HNRNPUL1: variants seen among roughly 807,000 people sequenced by gnomAD.
HNRNPUL1 encodes heterogeneous nuclear ribonucleoprotein U-like protein 1.
In HNRNPUL1, 14 loss-of-function variants were observed where a neutral mutation model predicts 108.5. That is an observed-to-expected ratio of 0.13 (90% confidence interval 0.09 to 0.20). HNRNPUL1 has a LOEUF of 0.20. Among genes scored for constraint, HNRNPUL1 ranks in the 10% least tolerant of loss-of-function variants. The pLI, the probability that HNRNPUL1 is intolerant of heterozygous loss-of-function variation, is 1.00. For synonymous variants in HNRNPUL1, 422 were observed against 445.2 expected, an observed-to-expected ratio of 0.95 and a Z score of 0.66; for missense variants, 804 against 1,168.3, an observed-to-expected ratio of 0.69 and a Z score of 4.55.
intron 13 of HNRNPUL1, 86 bp from the exon 14 acceptor site, chr19:41,305,587 TAAA>T: frequency 6.5e-7 from 1 of 1,547,218 alleles, no homozygotes; most frequent in Non-Finnish European, 8.9e-7. Flanking sequence ...GCCAACCACT[TAAA>T]AAGGCCCTTT....
chr19:41,288,792 C>T (rs904424504), intron 7 of HNRNPUL1, among the ~76,000 whole-genome samples: 5 of 152,214 alleles, frequency 3.3e-5, no homozygotes, highest in Non-Finnish European at 5.9e-5. Flanking sequence ...TTTCCTGGAA[C>T]AGATAAATGC....
intron 1 of HNRNPUL1, among the ~76,000 whole-genome samples, chr19:41,267,625 G>A (rs752473977): frequency 6.6e-6 from 1 of 152,226 alleles, no homozygotes; most frequent in Non-Finnish European, 1.5e-5. Context: ...CGATCAGTTA[G>A]CAAGTGGCAG....
chr19:41,272,267 C>T, intron 3 of HNRNPUL1, 32 bp downstream of exon 3: 1 of 1,606,024 alleles, frequency 6.2e-7, no homozygotes, highest in South Asian at 1.1e-5. Context: ...CACCCTTGCT[C>T]TGGTAGGTTT....
chr19:41,306,653 C>T lies in HNRNPUL1; in HGVS notation c.*88C>T, dbSNP rs1363921625. The T allele has an allele frequency of 2.9e-5, 23 of 797,710 alleles. No homozygotes were observed. The East Asian group carries it at 5.7e-4, about 20-fold the overall frequency. The allele number at this position is 797,710 out of a possible 1,614,324, so 49.4% of individuals were successfully genotyped here. A position where few individuals can be genotyped will look rare whatever the true frequency, so the allele number is the denominator to read the frequency against. ...CCCCTCCTCTGCCCCCGCCAGATCCCGTGGTGCTGGGGATGGGGTCATCCC... is the reference window on the plus strand; with the variant it reads ...CCCCTCCTCTGCCCCCGCCAGATCCTGTGGTGCTGGGGATGGGGTCATCCC... On this transcript the variant is annotated 3_prime_UTR_variant, in exon 15 of 15. Transcript: ENST00000392006.
chr19:41,265,085 T>A (rs1326834365), intron 1 of HNRNPUL1: 1 of 1,410,298 alleles, frequency 7.1e-7, no homozygotes, highest in Non-Finnish European at 9.2e-7. Flanking sequence ...GACCGGAAAC[T>A]GCTTTCTGGA....
intron 6 of HNRNPUL1, among the ~76,000 whole-genome samples, chr19:41,280,585 C>T (rs1328501280): frequency 3.3e-5 from 5 of 152,158 alleles, no homozygotes; most frequent in Admixed American, 6.5e-5. Context: ...CGAGCCCTGG[C>T]ATTCATGCTT....
intron 6 of HNRNPUL1, among the ~76,000 whole-genome samples, chr19:41,279,716 C>T (rs536123283): frequency 2.6e-5 from 4 of 152,244 alleles, no homozygotes; most frequent in South Asian, 4.1e-4. Flanking sequence ...TCCTGCCTTC[C>T]GTTTATGATC....
chr19:41,302,622 ACCT>A (rs768454904), intron 11 of HNRNPUL1, 40 bp from the exon 12 acceptor site: 8 of 1,612,196 alleles, frequency 5.0e-6, no homozygotes, highest in Admixed American at 3.3e-5. Flanking sequence ...GAAGGTACTG[ACCT>A]CTTCTTCTTG....
Position 41,305,738 on chromosome 19 carries a change from G to A in HNRNPUL1, c.2325G>A (p.Pro775=), listed in dbSNP as rs775402234. Residue 775 remains proline, a synonymous_variant, in exon 14 of 15, where the codon CCG becomes CCA. Transcript: ENST00000392006. ...GGYSQGYTAP[P]PPPPPPPAYN... The stretch of plus-strand genomic sequence containing the variant: ...ACAGCCAGGGCTACACAGCCCCACC[G>A]CCTCCACCTCCACCACCACCTGCCT... 1.4e-5 allele frequency: 22 copies of A among 1,613,766 alleles called. No homozygotes were observed. The highest frequency in any genetic ancestry group is 1.9e-5 in the Non-Finnish European group (22 of 1,179,962).
At chr19:41,305,494 C>G (rs551851960) in intron 13 of HNRNPUL1, among the ~76,000 whole-genome samples, 182 bp from the exon 14 acceptor site, 1 of 152,366 alleles carries the variant, frequency 6.6e-6, no homozygotes, top group Non-Finnish European at 1.5e-5. Context: ...GCCCTTCATC[C>G]TGCCCTACCA....
At chr19:41,266,044 A>G (rs1472156600) in intron 1 of HNRNPUL1, among the ~76,000 whole-genome samples, 1 of 152,136 alleles carries the variant, frequency 6.6e-6, no homozygotes, top group Non-Finnish European at 1.5e-5. Context: ...TTCATCAGCC[A>G]GGAGCTGTGA....
chr19:41,304,382 A>G, intron 13 of HNRNPUL1, 121 bp downstream of exon 13: 1 of 1,475,170 alleles, frequency 6.8e-7, no homozygotes, highest in Middle Eastern at 1.8e-4. Flanking sequence ...TCTTCACTCT[A>G]ACCTCTAGCC....
At chr19:41,304,327 G>A in intron 13 of HNRNPUL1, 66 bp downstream of exon 13, 1 of 1,530,838 alleles carries the variant, frequency 6.5e-7, no homozygotes, top group Non-Finnish European at 8.8e-7. Flanking sequence ...GAGCAAGTTA[G>A]GTGGAGGCGG....
chr19:41,264,151 G>GCCT (rs1453720937), upstream of HNRNPUL1, among the ~76,000 whole-genome samples: 1 of 152,226 alleles, frequency 6.6e-6, no homozygotes, highest in Non-Finnish European at 1.5e-5. Flanking sequence ...CAAGCGCTCC[G>GCCT]CCTCCTGCCT....
intron 13 of HNRNPUL1, among the ~76,000 whole-genome samples, chr19:41,304,787 A>G (rs1384534539): frequency 6.6e-6 from 1 of 152,172 alleles, no homozygotes; most frequent in Non-Finnish European, 1.5e-5. Flanking sequence ...GGCTCCTGTA[A>G]ACCAGAGAGG....
At chr19:41,289,711 GT>G (rs1269932679) in intron 7 of HNRNPUL1, among the ~76,000 whole-genome samples, 2 of 132,804 alleles carry the variant, frequency 1.5e-5, no homozygotes, top group African/African-American at 6.2e-5. Flanking sequence ...GCTCTCCATG[GT>G]CTTTTTTTTT....
intron 13 of HNRNPUL1, 110 bp downstream of exon 13, chr19:41,304,371 G>T (rs2037422834): frequency 1.3e-6 from 2 of 1,500,300 alleles, no homozygotes; most frequent in African/African-American, 2.8e-5. Flanking sequence ...CCAGCTACTG[G>T]TCTTCACTCT....
At position 41,268,309 on chromosome 19, in the gene HNRNPUL1, C is replaced by T. The variant is rs2034983501; in HGVS notation, c.382C>T (p.Pro128Ser). 4 of 1,613,910 alleles carry T rather than the reference C, an allele frequency of 2.5e-6. No homozygotes were observed. The highest frequency in any genetic ancestry group is 3.4e-6 in the Non-Finnish European group (4 of 1,179,926). Residue 128 changes from proline (P) to serine (S), a missense_variant, in exon 2 of 15, where the codon CCA becomes TCA. This residue lies in a region of HNRNPUL1 where 256 missense variants were observed against 261.6 expected (regional missense o/e 0.98). Coordinates refer to ENST00000392006, the MANE Select transcript of HNRNPUL1 (RefSeq NM_007040.6). ...AAACGAGTCAGGCTACGAGAGGAGA[C>T]CACTGGAAATGGAGCAGCAGCAGGC... The part of the protein sequence containing the change: ...QENESGYERR[P>S]LEMEQQQAYR...
chr19:41,295,088 T>C (rs2036810884), intron 10 of HNRNPUL1, among the ~76,000 whole-genome samples: 1 of 152,230 alleles, frequency 6.6e-6, no homozygotes, highest in Admixed American at 6.5e-5. Flanking sequence ...CAATACCATC[T>C]GCACCCCTAA....
Sources: gnomAD v4.1 joint callset for allele counts (sites outside exome capture counted in the v4.1 genomes callset) on GRCh38, gnomAD v4.1.1 for gene constraint, gnomAD v4.1.1 regional missense constraint, MANE v1.5 for transcripts, NCBI Gene and HGNC (gene_info 2026-07-23, HGNC 2026-07-21) for gene names.